GALNT17: variants seen among roughly 807,000 people sequenced by gnomAD.
The protein encoded by GALNT17 is UDP-GalNAc:polypeptide N-acetylgalactosaminyltransferase-like 3.
In GALNT17, 29 loss-of-function variants were observed where a neutral mutation model predicts 63.7. The ratio of observed to expected loss-of-function variants is 0.46; its 90% CI spans 0.34 to 0.62. The LOEUF is 0.62. Among genes scored for constraint, GALNT17 ranks in the 20% least tolerant of loss-of-function variants. GALNT17 has a pLI of 0.01. For missense variants in GALNT17, 603 were observed against 799.6 expected (o/e 0.75, Z 2.97); for synonymous variants, 305 against 318.3 (o/e 0.96, Z 0.45).
intron 1 of GALNT17, among the ~76,000 whole-genome samples, chr7:71,290,711 GA>G (rs1790964159): frequency 6.6e-6 from 1 of 152,176 alleles, no homozygotes; most frequent in Non-Finnish European, 1.5e-5. Flanking sequence ...TTCTGTGTCT[GA>G]AAATCCTCCC....
At chr7:71,675,167 A>G (rs914448462) in intron 8 of GALNT17, among the ~76,000 whole-genome samples, 1 of 152,024 alleles carries the variant, frequency 6.6e-6, no homozygotes, top group Admixed American at 6.6e-5. Flanking sequence ...CTGGTGACAG[A>G]GCAAGACTCC....
chr7:71,535,457 G>A (rs961890211), intron 5 of GALNT17, among the ~76,000 whole-genome samples: 1 of 152,094 alleles, frequency 6.6e-6, no homozygotes, highest in Non-Finnish European at 1.5e-5. Flanking sequence ...TGTCGATGAG[G>A]ACACCCAGAT....
chr7:71,457,534 G>T (rs1263411793), intron 5 of GALNT17, among the ~76,000 whole-genome samples: 1 of 152,222 alleles, frequency 6.6e-6, no homozygotes, highest in Non-Finnish European at 1.5e-5. Flanking sequence ...CCCGAAGGCT[G>T]CTGGTTGCCC....
At chr7:71,649,605 A>G (rs1410771144) in intron 6 of GALNT17, among the ~76,000 whole-genome samples, 1 of 142,282 alleles carries the variant, frequency 7.0e-6, no homozygotes, top group African/African-American at 2.7e-5. Flanking sequence ...GCTGGAATTC[A>G]GGATTAAACA....
chr7:71,336,290 C>T (rs1260092911), intron 2 of GALNT17, among the ~76,000 whole-genome samples: 1 of 152,076 alleles, frequency 6.6e-6, no homozygotes, highest in Non-Finnish European at 1.5e-5. Context: ...GGTGATCTGC[C>T]CGCCTTGGCC....
At chr7:71,506,319 T>C (rs867843661) in intron 5 of GALNT17, among the ~76,000 whole-genome samples, 1 of 152,182 alleles carries the variant, frequency 6.6e-6, no homozygotes, top group East Asian at 1.9e-4. Context: ...CAGGCTGGAG[T>C]GCAGTGGTGC....
chr7:71,628,207 T>C (rs73371248), intron 6 of GALNT17, among the ~76,000 whole-genome samples: 11,534 of 152,194 alleles, frequency 0.076, 548 homozygotes, highest in African/African-American at 0.14. Context: ...ATAGTAAAAG[T>C]GAATTCCTAG....
At chr7:71,635,658 G>A (rs1471727094) in intron 6 of GALNT17, among the ~76,000 whole-genome samples, 1 of 152,202 alleles carries the variant, frequency 6.6e-6, no homozygotes, top group Admixed American at 6.5e-5. Context: ...AGTCCATAGA[G>A]TAAAGTGAAA....
intron 2 of GALNT17, among the ~76,000 whole-genome samples, chr7:71,361,422 G>C (rs888619873): frequency 6.6e-6 from 1 of 152,156 alleles, no homozygotes; most frequent in Non-Finnish European, 1.5e-5. Flanking sequence ...CCGCCTTGAA[G>C]GTTTCTTCCC....
intron 5 of GALNT17, among the ~76,000 whole-genome samples, chr7:71,497,870 T>A (rs1277347115): frequency 6.6e-6 from 1 of 152,264 alleles, no homozygotes; most frequent in African/African-American, 2.4e-5. Context: ...GTCTTACAGA[T>A]GGCTGAAACT....
chr7:71,430,907 C>T (rs1370542413), intron 5 of GALNT17, among the ~76,000 whole-genome samples: 44 of 152,246 alleles, frequency 2.9e-4, no homozygotes, highest in Non-Finnish European at 5.9e-5. Flanking sequence ...CAATTGTGTG[C>T]TCAGCTTTGG....
chr7:71,256,704 A>G (rs1403991732), intron 1 of GALNT17, among the ~76,000 whole-genome samples: 1 of 152,236 alleles, frequency 6.6e-6, no homozygotes, highest in African/African-American at 2.4e-5. Flanking sequence ...GGCTCAGAAG[A>G]AATCTCTCTA....
intron 3 of GALNT17, among the ~76,000 whole-genome samples, chr7:71,407,167 T>C (rs1333638644): frequency 6.6e-6 from 1 of 152,156 alleles, no homozygotes; most frequent in Non-Finnish European, 1.5e-5. Context: ...CATCCAGTCT[T>C]GAAGAGCTCA....
At chr7:71,429,711 T>A (rs1157055614) in intron 5 of GALNT17, among the ~76,000 whole-genome samples, 1 of 151,976 alleles carries the variant, frequency 6.6e-6, no homozygotes. Flanking sequence ...CACAGGTAAT[T>A]TTTAAATTTT....
intron 2 of GALNT17, among the ~76,000 whole-genome samples, chr7:71,346,750 G>A (rs1792102855): frequency 6.7e-6 from 1 of 149,900 alleles, no homozygotes. Flanking sequence ...GCCTGTTGGG[G>A]GGGCGGGGGT....
chr7:71,206,804 C>G (rs1054295051), intron 1 of GALNT17, among the ~76,000 whole-genome samples: 2 of 152,094 alleles, frequency 1.3e-5, no homozygotes, highest in Non-Finnish European at 2.9e-5. Context: ...TACCCCTTTT[C>G]TAGTCAAGAC....
At chr7:71,649,550 T>C (rs1790725745) in intron 6 of GALNT17, among the ~76,000 whole-genome samples, 1 of 147,324 alleles carries the variant, frequency 6.8e-6, no homozygotes, top group Non-Finnish European at 1.5e-5. Context: ...ATGCCTGTCC[T>C]GAGTCAGTTC....
intron 1 of GALNT17, among the ~76,000 whole-genome samples, chr7:71,160,448 A>G (rs1358453589): frequency 6.6e-6 from 1 of 152,150 alleles, no homozygotes; most frequent in African/African-American, 2.4e-5. Context: ...TTTATTATAA[A>G]CAATGGTGTG....
chr7:71,548,465 G>A (rs1789023076), intron 5 of GALNT17, among the ~76,000 whole-genome samples: 1 of 152,182 alleles, frequency 6.6e-6, no homozygotes, highest in Non-Finnish European at 1.5e-5. Context: ...TGGCCTTAGA[G>A]TTCAACATTG....
Sources: gnomAD v4.1 joint callset for allele counts (sites outside exome capture counted in the v4.1 genomes callset) on GRCh38, gnomAD v4.1.1 for gene constraint, MANE v1.5 for transcripts, NCBI Gene and HGNC (gene_info 2026-07-23, HGNC 2026-07-21) for gene names.